Variants in PIK3CB observed in about 807,000 individuals in gnomAD.
PIK3CB encodes the protein phosphatidylinositol 4,5-bisphosphate 3-kinase catalytic subunit beta isoform.
A neutral mutation model predicts 136.8 loss-of-function variants in PIK3CB; 39 were observed. The ratio of observed to expected loss-of-function variants is 0.29; its 90% CI spans 0.22 to 0.37. The LOEUF (loss-of-function observed/expected upper bound fraction) is 0.37. Ranked by LOEUF, PIK3CB falls within the 10% of genes least tolerant of loss-of-function variation. The pLI is 1.00. For synonymous variants in PIK3CB, 428 were observed against 436.6 expected (o/e 0.98, Z 0.25); for missense variants, 868 against 1,275.4 (o/e 0.68, Z 4.87).
intron 4 of PIK3CB, among the ~76,000 whole-genome samples, chr3:138,750,598 C>T (rs2108698736): frequency 6.6e-6 from 1 of 152,182 alleles, no homozygotes; most frequent in East Asian, 1.9e-4. Flanking sequence ...GGTTCCTAAC[C>T]AGCAACAGGG....
Position 138,733,421 on chromosome 3 carries a change from G to C in PIK3CB, c.990C>G (p.Asn330Lys), listed in dbSNP as rs1677823780. 6.5e-7 allele frequency: 1 copy of C among 1,541,442 alleles called. No individual in the cohort carries two copies. The highest frequency in any genetic ancestry group is 1.4e-5 in the African/African-American group (1 of 73,476). The change falls in exon 8 of 24, where the codon AAC becomes AAG. Residue 330 changes from asparagine to lysine, a missense_variant. By Grantham distance (94) the Asn-to-Lys change is moderately conservative (BLOSUM62 0). Coordinates refer to ENST00000674063, the MANE Select transcript of PIK3CB (RefSeq NM_006219.3). Reference protein sequence around the residue: ...TRIISHVWENNNPFQIVLVKG... With the variant: ...TRIISHVWENKNPFQIVLVKG... ...TAACCAAGACAATTTGGAAAGGGTT[G>C]TTATTTTCCCAAACATGCTGTAAAA...
At chr3:138,689,043 CTTCT>C in intron 15 of PIK3CB, 69 bp from the exon 16 acceptor site, 1 of 858,048 alleles carries the variant, frequency 1.2e-6, no homozygotes, top group South Asian at 1.5e-5. Flanking sequence ...TAAATACTGA[CTTCT>C]TTATTCTACA....
chr3:138,797,894 A>C (rs1256008567), intron 1 of PIK3CB, among the ~76,000 whole-genome samples: 4 of 152,142 alleles, frequency 2.6e-5, no homozygotes. Context: ...CTCAGGCTGC[A>C]GTGAACCAAG....
At chr3:138,717,170 C>T (rs1481873708) in intron 8 of PIK3CB, among the ~76,000 whole-genome samples, 2 of 150,936 alleles carry the variant, frequency 1.3e-5, no homozygotes, top group Non-Finnish European at 2.9e-5. Flanking sequence ...AGGAGAATTG[C>T]TTGAACCCAG....
At chr3:138,802,200 C>A (rs2046183914) in intron 1 of PIK3CB, among the ~76,000 whole-genome samples, 1 of 135,130 alleles carries the variant, frequency 7.4e-6, no homozygotes, top group Non-Finnish European at 1.6e-5. Flanking sequence ...ACAGTGAAAC[C>A]CCGTCTCTAC....
intron 4 of PIK3CB, among the ~76,000 whole-genome samples, chr3:138,753,369 A>G (rs985681908): frequency 6.6e-6 from 1 of 151,902 alleles, no homozygotes; most frequent in Non-Finnish European, 1.5e-5. Flanking sequence ...AAAAATACAA[A>G]AACTAGCTGG....
intron 3 of PIK3CB, 136 bp from the exon 4 acceptor site, chr3:138,756,115 G>A: frequency 1.1e-5 from 5 of 444,724 alleles, no homozygotes; most frequent in Non-Finnish European, 1.2e-5. Flanking sequence ...ATAAAAGATT[G>A]GTTAAATGAA....
intron 9 of PIK3CB, among the ~76,000 whole-genome samples, chr3:138,714,048 TGA>T (rs1352394933): frequency 1.3e-5 from 2 of 152,236 alleles, no homozygotes; most frequent in Non-Finnish European, 2.9e-5. Flanking sequence ...CAAGATATGT[TGA>T]GTCAGTTACG....
intron 1 of PIK3CB, among the ~76,000 whole-genome samples, chr3:138,827,119 G>T (rs1295356654): frequency 6.6e-6 from 1 of 151,956 alleles, no homozygotes; most frequent in South Asian, 2.1e-4. Flanking sequence ...TACTAAATAC[G>T]ATTGAATACA....
intron 1 of PIK3CB, among the ~76,000 whole-genome samples, chr3:138,829,644 G>T (rs916409515): frequency 3.7e-4 from 56 of 152,174 alleles, no homozygotes; most frequent in African/African-American, 1.2e-3. Context: ...AGGGTTAGCC[G>T]GGCGTGGTGG....
chr3:138,720,898 G>C (rs1207820509), intron 8 of PIK3CB, among the ~76,000 whole-genome samples: 1 of 151,762 alleles, frequency 6.6e-6, no homozygotes, highest in Non-Finnish European at 1.5e-5. Flanking sequence ...AGAAAGGAAA[G>C]AAAGAAAATA....
intron 1 of PIK3CB, among the ~76,000 whole-genome samples, chr3:138,803,698 T>C (rs980300835): frequency 6.6e-6 from 1 of 151,996 alleles, no homozygotes; most frequent in East Asian, 1.9e-4. Flanking sequence ...GGAGGGAAAA[T>C]TCTATGCTGA....
At chr3:138,711,613 C>T (rs921437152) in intron 10 of PIK3CB, among the ~76,000 whole-genome samples, 1 of 143,752 alleles carries the variant, frequency 7.0e-6, no homozygotes, top group South Asian at 2.2e-4. Context: ...GAAGTTTAGT[C>T]TATTTCATTC....
intron 4 of PIK3CB, among the ~76,000 whole-genome samples, chr3:138,755,177 TAA>T (rs1244842347): frequency 1.4e-4 from 21 of 152,256 alleles, no homozygotes; most frequent in African/African-American, 4.8e-4. Flanking sequence ...TCAAACAGCT[TAA>T]AGTCTTGGTT....
chr3:138,786,508 C>A (rs963812145), intron 2 of PIK3CB, among the ~76,000 whole-genome samples: 3 of 151,982 alleles, frequency 2.0e-5, no homozygotes, highest in Non-Finnish European at 4.4e-5. Context: ...CCATGCCCAG[C>A]TAATTTTTTG....
chr3:138,765,349 T>C (rs529713857), intron 2 of PIK3CB, among the ~76,000 whole-genome samples: 1 of 152,272 alleles, frequency 6.6e-6, no homozygotes, highest in South Asian at 2.1e-4. Flanking sequence ...AGGACAATTA[T>C]ATTGGATATT....
At chr3:138,755,375 C>T (rs1201282873) in intron 4 of PIK3CB, among the ~76,000 whole-genome samples, 2 of 152,140 alleles carry the variant, frequency 1.3e-5, no homozygotes, top group Non-Finnish European at 2.9e-5. Context: ...TGCACAGTGG[C>T]TCATACCTGT....
chr3:138,802,050 A>G (rs1351596728), intron 1 of PIK3CB, among the ~76,000 whole-genome samples: 2 of 151,570 alleles, frequency 1.3e-5, no homozygotes, highest in African/African-American at 4.8e-5. Flanking sequence ...TTCTAAAAAC[A>G]AAAACAAAAA....
intron 22 of PIK3CB, chr3:138,657,365 C>G: frequency 4.5e-6 from 1 of 222,056 alleles, no homozygotes; most frequent in South Asian, 7.6e-5. Flanking sequence ...TACTGTACTC[C>G]ATACACAATG....
Sources: allele counts gnomAD v4.1 joint callset (sites outside exome capture counted in the v4.1 genomes callset), GRCh38; gene constraint gnomAD v4.1.1; transcripts MANE v1.5; gene names NCBI Gene and HGNC (gene_info 2026-07-23, HGNC 2026-07-21).